Variants in NBPF20 observed in about 807,000 individuals in gnomAD.
NBPF20 encodes NBPF family member NBPF20.
In NBPF20, 90 loss-of-function variants were observed where a neutral mutation model predicts 68.1. The ratio of observed to expected loss-of-function variants is 1.32; its 90% confidence interval spans 1.11 to 1.58. The LOEUF (loss-of-function observed/expected upper bound fraction) is 1.58. Ranked by LOEUF, NBPF20 falls within the 40% of genes most tolerant of loss-of-function variation. The pLI, the probability that NBPF20 is intolerant of heterozygous loss-of-function variation, is 0.00. For synonymous variants in NBPF20, 290 were observed against 228.1 expected, an observed-to-expected ratio of 1.27 and a Z score of -2.45; for missense variants, 816 against 601.2, an observed-to-expected ratio of 1.36 and a Z score of -3.74.
chr1:145,408,585 C>T (rs1264463624), upstream of NBPF20, among the ~76,000 whole-genome samples: 8 of 151,488 alleles, frequency 5.3e-5, no homozygotes, highest in African/African-American at 1.9e-4. Flanking sequence ...TCTTCAAGAC[C>T]GACTTGCTTA....
At chr1:145,424,816 A>G in the NBPF20 span, among the ~76,000 whole-genome samples, 1 of 152,180 alleles carries the variant, frequency 6.6e-6, no homozygotes. Flanking sequence ...TTGTCCCGCT[A>G]GTCATGAGGT....
intron 7 of NBPF20, among the ~76,000 whole-genome samples, chr1:145,395,635 A>T (rs1553663621): frequency 2.0e-5 from 3 of 150,154 alleles, no homozygotes; most frequent in Non-Finnish European, 2.9e-5. Flanking sequence ...CAAATAGGAA[A>T]AAAGCATGTA....
At chr1:145,393,385 C>G (rs1354868980) in intron 9 of NBPF20, 139 bp from the exon 15 acceptor site, 7 of 713,612 alleles carry the variant, frequency 9.8e-6, no homozygotes, top group Non-Finnish European at 1.8e-5. Context: ...AAATTATTGC[C>G]TTTATGTTGG....
At chr1:145,403,266 C>T (rs1553665940) in exon 3 of NBPF20, 112 of 1,612,022 alleles carry the variant, frequency 6.9e-5, no homozygotes, top group Middle Eastern at 6.2e-4. Context: ...CCTCCTTGAA[C>T]TGTCGCTCAT....
exon 15 of NBPF20, chr1:145,389,185 ATCT>A (rs1661928739): frequency 4.3e-6 from 1 of 230,084 alleles, no homozygotes; most frequent in Non-Finnish European, 6.8e-6. Flanking sequence ...TCCTTCTTTG[ATCT>A]TCTTCCCCTT....
At chr1:145,407,428 C>T (rs1270789440), upstream of NBPF20, among the ~76,000 whole-genome samples, 4 of 144,518 alleles carry the variant, frequency 2.8e-5, no homozygotes, top group South Asian at 2.2e-4. Context: ...CATGTATACA[C>T]GTATACATGT....
Position 145,291,824 on chromosome 1 carries a change from G to T in NBPF20, c.16698-55C>A. ...GCCAGGGAAAATCAGAAACCACAGA[G>T]CCCCACTAGATTTCAGAAGTCACAT... On this transcript the variant is annotated intron_variant, in intron 137 of 137. Coordinates refer to ENST00000369373, the Ensembl canonical transcript of NBPF20. The T allele has an allele frequency of 1.9e-6, 3 of 1,611,554 alleles. No individual in the cohort carries two copies. The Admixed American group carries it at 5.0e-5, about 27-fold the overall frequency.
At chr1:145,401,175 G>A (rs1171211726) in intron 4 of NBPF20, 44 bp from the exon 10 acceptor site, 1 of 1,556,652 alleles carries the variant, frequency 6.4e-7, no homozygotes, top group Non-Finnish European at 8.8e-7. Flanking sequence ...CCACTTCACA[G>A]TCTGCAAGCA....
intron 15 of NBPF20, among the ~76,000 whole-genome samples, 190 bp from the exon 21 acceptor site, chr1:145,388,680 CAG>C (rs1272087669): frequency 7.2e-4 from 16 of 22,076 alleles, no homozygotes; most frequent in Non-Finnish European, 2.5e-4. Flanking sequence ...AAGAGAAAGA[CAG>C]AGAGAGAGAG....
At chr1:145,291,854 A>G (rs1661125707) in intron 137 of NBPF20, 85 bp from the exon 143 acceptor site, 2 of 1,607,996 alleles carry the variant, frequency 1.2e-6, no homozygotes, top group African/African-American at 2.7e-5. Flanking sequence ...TCACATAAGG[A>G]AGTGGTTAGA....
chr1:145,291,884 A>C (rs879964447), intron 137 of NBPF20, 115 bp from the exon 143 acceptor site: 1 of 1,584,892 alleles, frequency 6.3e-7, no homozygotes, highest in Non-Finnish European at 8.5e-7. Context: ...GGATAGATCC[A>C]TTAATGAGGT....
chr1:145,425,419 G>A, the NBPF20 span, among the ~76,000 whole-genome samples: 1 of 152,116 alleles, frequency 6.6e-6, no homozygotes, highest in African/African-American at 2.4e-5. Context: ...CCGCGCCGCC[G>A]CGCCTCGGCC....
the NBPF20 span, among the ~76,000 whole-genome samples, chr1:145,424,037 A>C: frequency 7.0e-6 from 1 of 142,666 alleles, no homozygotes; most frequent in Non-Finnish European, 1.5e-5. Flanking sequence ...GTGCACTGCC[A>C]TGATCACGGC....
At chr1:145,294,592 T>C in intron 134 of NBPF20, 190 bp downstream of exon 139, 7 of 47,970 alleles carry the variant, frequency 1.5e-4, no homozygotes, top group South Asian at 7.6e-4. Flanking sequence ...GAATAGAGCC[T>C]TGCTCACTGA....
rs1286531271 is a variant in NBPF20, at chr1:145,292,560, A to G, written c.16589-71T>C. On this transcript the variant is annotated intron_variant, in intron 136 of 137. Transcript: ENST00000369373. ...TACACACATAACAATCCACTGTCTA[A>G]TCCTCACACAGGGACCTCAGGCTCC... 1.7e-5 allele frequency: 12 copies of G among 725,996 alleles called. 1 individual carries two copies. The highest frequency in any genetic ancestry group is 2.9e-5 in the Non-Finnish European group (12 of 407,700). 45.0% of individuals were successfully genotyped at this position (725,996 alleles called of 1,614,324 possible). A position where few individuals can be genotyped will look rare whatever the true frequency, so the allele number is the denominator to read the frequency against.
At chr1:145,292,553 C>T (rs1202939890) in intron 136 of NBPF20, 64 bp from the exon 142 acceptor site, 10 of 714,532 alleles carry the variant, frequency 1.4e-5, no homozygotes, top group Middle Eastern at 3.9e-4. Context: ...TAACAATCCA[C>T]TGTCTAATCC....
the NBPF20 span, among the ~76,000 whole-genome samples, chr1:145,416,144 G>C: frequency 6.6e-6 from 1 of 150,810 alleles, no homozygotes. Flanking sequence ...AAAAAAAAAA[G>C]ATAAAATAAA....
At chr1:145,291,584 G>A (rs782283569) in exon 138 of NBPF20, 57 of 1,611,890 alleles carry the variant, frequency 3.5e-5, no homozygotes, top group Non-Finnish European at 4.8e-5. Flanking sequence ...CACCGTCAAA[G>A]TAAAAAACCT....
At chr1:145,366,593 C>T (rs1182982955) in intron 43 of NBPF20, among the ~76,000 whole-genome samples, 1 of 96,394 alleles carries the variant, frequency 1.0e-5, no homozygotes, top group African/African-American at 4.4e-5. Context: ...CACACACAGA[C>T]ACACACACAC....
Sources: gnomAD v4.1 joint callset for allele counts (sites outside exome capture counted in the v4.1 genomes callset) on GRCh38, gnomAD v4.1.1 for gene constraint, MANE v1.5 for transcripts, NCBI Gene and HGNC (gene_info 2026-07-23, HGNC 2026-07-21) for gene names.